The following PCBP3 variants were observed in gnomAD, a reference collection of about 807,000 sequenced individuals.
PCBP3 encodes the protein poly(rC) binding protein 3.
PCBP3 carries 25 observed loss-of-function variants against 52.7 expected under a neutral mutation model. The ratio of observed to expected loss-of-function variants is 0.47; its 90% CI spans 0.35 to 0.66. The LOEUF is 0.66. Among genes scored for constraint, PCBP3 ranks in the 30% least tolerant of loss-of-function variants. PCBP3 has a pLI of 0.01. For missense variants in PCBP3, 391 were observed against 490.3 expected (o/e 0.80, Z 1.91); for synonymous variants, 162 against 183.0 (o/e 0.89, Z 0.93).
intron 2 of PCBP3, among the ~76,000 whole-genome samples, chr21:45,676,969 C>T (rs777736321): frequency 2.6e-5 from 4 of 151,956 alleles, no homozygotes; most frequent in Non-Finnish European, 4.4e-5. Flanking sequence ...GGCGGGGTTT[C>T]GCTATGTTGG....
chr21:45,860,246 T>C (rs1334725336), intron 5 of PCBP3, among the ~76,000 whole-genome samples: 1 of 152,214 alleles, frequency 6.6e-6, no homozygotes, highest in East Asian at 1.9e-4. Flanking sequence ...TCGGTGCCCT[T>C]CTGTGTCCTG....
intron 3 of PCBP3, among the ~76,000 whole-genome samples, chr21:45,745,846 G>A (rs915388727): frequency 6.6e-6 from 1 of 152,282 alleles, no homozygotes; most frequent in Non-Finnish European, 1.5e-5. Flanking sequence ...ACTTCAGAGT[G>A]AGGCGCACTT....
chr21:45,839,082 C>A (rs1214589686), intron 4 of PCBP3, among the ~76,000 whole-genome samples: 1 of 151,946 alleles, frequency 6.6e-6, no homozygotes, highest in Non-Finnish European at 1.5e-5. Flanking sequence ...TAAACTTTTC[C>A]TCCATGTTCA....
At chr21:45,893,633 G>A (rs1038534597) in intron 5 of PCBP3, 27 of 423,196 alleles carry the variant, frequency 6.4e-5, no homozygotes, top group Non-Finnish European at 7.3e-5. Flanking sequence ...GGTGGGTGGG[G>A]ACCCAGGCCC....
chr21:45,901,439 C>T (rs759973619), intron 9 of PCBP3: 12 of 315,012 alleles, frequency 3.8e-5, no homozygotes, highest in Non-Finnish European at 6.3e-5. Flanking sequence ...GGCGTGCAGC[C>T]TGGCTGACCC....
chr21:45,774,006 C>T (rs958344148), intron 4 of PCBP3, among the ~76,000 whole-genome samples: 4 of 152,066 alleles, frequency 2.6e-5, no homozygotes, highest in Non-Finnish European at 4.4e-5. Context: ...TGATTGTCTT[C>T]TTGATTTCTT....
chr21:45,686,737 C>G (rs542786533), intron 2 of PCBP3, among the ~76,000 whole-genome samples: 1 of 152,040 alleles, frequency 6.6e-6, no homozygotes, highest in Non-Finnish European at 1.5e-5. Flanking sequence ...GGAACTTTGA[C>G]AGTGAAATAA....
chr21:45,697,057 C>T (rs564084431), intron 2 of PCBP3, among the ~76,000 whole-genome samples: 1 of 152,264 alleles, frequency 6.6e-6, no homozygotes, highest in East Asian at 1.9e-4. Flanking sequence ...CTGCTTTGAC[C>T]ACTTTGAAAA....
chr21:45,755,581 A>T (rs529060401), intron 4 of PCBP3, among the ~76,000 whole-genome samples, 129 bp downstream of exon 4: 1 of 152,322 alleles, frequency 6.6e-6, no homozygotes, highest in Non-Finnish European at 1.5e-5. Context: ...AATGGTCAGC[A>T]TTCAGTGTTG....
chr21:45,655,824 C>A (rs1331262907), intron 1 of PCBP3, among the ~76,000 whole-genome samples: 2 of 151,898 alleles, frequency 1.3e-5, no homozygotes, highest in African/African-American at 4.8e-5. Context: ...AAAAAAAAAC[C>A]CATCAAAAAG....
At position 45,880,670 on chromosome 21, in the gene PCBP3, C is replaced by T. The variant is rs2095379976; in HGVS notation, c.11-15538C>T. Among the ~76,000 whole-genome samples the T allele has an allele frequency of 6.6e-6, 1 of 152,118 alleles. No individual in the cohort carries two copies. The highest frequency in any genetic ancestry group is 1.5e-5 in the Non-Finnish European group (1 of 68,030). The stretch of plus-strand genomic sequence containing the variant: ...AGGAGACACGTGTGCCCTCTGCCCT[C>T]TCGGTGCCAGGGTGGCCCCAGGTGA... On this transcript the variant is annotated intron_variant, in intron 5 of 17. Coordinates refer to ENST00000681687, the MANE Select transcript of PCBP3 (RefSeq NM_001384156.1). This position sits in a 1 kb window ranked among gnomAD's most constrained non-coding sequence, Gnocchi z 5.4.
intron 4 of PCBP3, among the ~76,000 whole-genome samples, chr21:45,770,142 G>T (rs998040448): frequency 6.6e-6 from 1 of 152,130 alleles, no homozygotes. Context: ...CCGTCTGAAC[G>T]GCGCCCCTGA....
intron 2 of PCBP3, among the ~76,000 whole-genome samples, chr21:45,687,729 C>T (rs1019784779): frequency 6.6e-6 from 1 of 151,042 alleles, no homozygotes; most frequent in Non-Finnish European, 1.5e-5. Context: ...AAAGACATTT[C>T]TTTTTTGTTT....
chr21:45,751,825 A>C (rs1056966830), intron 3 of PCBP3, among the ~76,000 whole-genome samples: 2 of 152,182 alleles, frequency 1.3e-5, no homozygotes, highest in South Asian at 4.1e-4. Flanking sequence ...TTTTTGCTAA[A>C]GTGATGCCTG....
At chr21:45,884,233 G>C (rs1366632554) in intron 5 of PCBP3, among the ~76,000 whole-genome samples, 1 of 152,106 alleles carries the variant, frequency 6.6e-6, no homozygotes, top group East Asian at 1.9e-4. Flanking sequence ...ATCGCACCCA[G>C]CCTCATTTTT....
At chr21:45,875,623 G>A (rs934148448) in intron 5 of PCBP3, among the ~76,000 whole-genome samples, 1 of 152,208 alleles carries the variant, frequency 6.6e-6, no homozygotes, top group Admixed American at 6.5e-5. Context: ...ACATCTACCA[G>A]CAATGGCCAG....
chr21:45,917,911 C>T lies in PCBP3; in HGVS notation c.717+282C>T, dbSNP rs540915439. On this transcript the variant is annotated intron_variant, in intron 13 of 17. Coordinates refer to ENST00000681687, the MANE Select transcript of PCBP3 (RefSeq NM_001384156.1). This position sits in a 1 kb window ranked among gnomAD's most constrained non-coding sequence, Gnocchi z 5.3. The stretch of plus-strand genomic sequence containing the variant: ...CACGGGGCCTGGGAGGGAACTGAGA[C>T]GGGCTCTGTCCCCGTGCAGGGCAGT... The T allele has an allele frequency of 5.0e-5, 23 of 464,348 alleles. No individual in the cohort carries two copies. Among genetic ancestry groups the T allele is most frequent in the East Asian group, 1.3e-4 (3 of 23,180 alleles). The allele number at this position is 464,348 out of a possible 1,614,324, so 28.8% of individuals were successfully genotyped here.
intron 2 of PCBP3, among the ~76,000 whole-genome samples, chr21:45,708,748 T>A (rs1245927168): frequency 6.6e-6 from 1 of 152,232 alleles, no homozygotes; most frequent in Non-Finnish European, 1.5e-5. Flanking sequence ...AATGGCATAT[T>A]GGTGACTGTG....
chr21:45,867,096 C>T lies in PCBP3; in HGVS notation c.10+17001C>T, dbSNP rs530587966. On this transcript the variant is annotated intron_variant, in intron 5 of 17. Transcript: ENST00000681687. ...AAACACGGTTTAGTACTCTGCCACA[C>T]ACCGAACGCAACGCCACAGCAGCCA... Among the ~76,000 whole-genome samples the T allele has an allele frequency of 2.6e-4, 40 of 152,396 alleles. No individual in the cohort carries two copies. The South Asian group carries it at 8.3e-3, about 32-fold the overall frequency.
Sources: allele counts gnomAD v4.1 joint callset (sites outside exome capture counted in the v4.1 genomes callset), GRCh38; gene constraint gnomAD v4.1.1; non-coding constraint Gnocchi (gnomAD v3.1); transcripts MANE v1.5; gene names NCBI Gene and HGNC (gene_info 2026-07-23, HGNC 2026-07-21).